The following WDR72 variants were observed in gnomAD, a reference collection of about 807,000 sequenced individuals.
WDR72 encodes WD repeat-containing protein 72.
A neutral mutation model predicts 124.2 loss-of-function variants in WDR72; 120 were observed. That is an observed-to-expected ratio of 0.97 (90% CI 0.83 to 1.12). The LOEUF is 1.12. WDR72 is among the 50% of genes most tolerant of loss of function. WDR72 has a pLI of 0.00. For missense variants in WDR72, 1,387 were observed against 1,278.8 expected (o/e 1.08, Z -1.29); for synonymous variants, 452 against 441.7 (o/e 1.02, Z -0.29).
chr15:53,733,429 C>T (rs1389263881), intron 1 of WDR72, among the ~76,000 whole-genome samples: 2 of 152,158 alleles, frequency 1.3e-5, no homozygotes, highest in African/African-American at 4.8e-5. Context: ...GGTCTATTCA[C>T]TTCACACCCA....
At chr15:53,610,998 T>C (rs1395774956) in intron 16 of WDR72, among the ~76,000 whole-genome samples, 1 of 152,050 alleles carries the variant, frequency 6.6e-6, no homozygotes, top group Non-Finnish European at 1.5e-5. Flanking sequence ...GTGATAGAAA[T>C]GAGAGCCAAC....
At chr15:53,671,056 T>C (rs2015968271) in intron 13 of WDR72, among the ~76,000 whole-genome samples, 2 of 152,188 alleles carry the variant, frequency 1.3e-5, no homozygotes, top group Admixed American at 1.3e-4. Flanking sequence ...TACACCAGAA[T>C]GGGGTCTGGC....
intron 1 of WDR72, among the ~76,000 whole-genome samples, chr15:53,735,520 G>A (rs2018327847): frequency 6.6e-6 from 1 of 152,076 alleles, no homozygotes. Context: ...GTATACATAT[G>A]TCAAAACTTA....
chr15:53,719,817 G>T (rs952220846), intron 3 of WDR72, among the ~76,000 whole-genome samples: 2 of 152,090 alleles, frequency 1.3e-5, no homozygotes, highest in Non-Finnish European at 2.9e-5. Flanking sequence ...GGTGATTCTG[G>T]TGCACGCTCA....
chr15:53,672,671 C>G (rs2140463521), intron 13 of WDR72, among the ~76,000 whole-genome samples: 1 of 152,246 alleles, frequency 6.6e-6, no homozygotes, highest in South Asian at 2.1e-4. Context: ...TTCTATACAT[C>G]TGCCCAAATG....
intron 13 of WDR72, among the ~76,000 whole-genome samples, chr15:53,682,131 C>A (rs546543865): frequency 5.9e-5 from 9 of 152,250 alleles, no homozygotes; most frequent in African/African-American, 1.9e-4. Flanking sequence ...TCATGCAGAC[C>A]ATTTTACAAT....
At chr15:53,758,773 G>GGGA (rs1475542276) in intron 1 of WDR72, among the ~76,000 whole-genome samples, 1 of 127,064 alleles carries the variant, frequency 7.9e-6, no homozygotes, top group South Asian at 3.5e-4. Flanking sequence ...AACTGCGGGG[G>GGGA]GGGGGGGGGC....
At chr15:53,557,180 G>A (rs1016490194) in intron 18 of WDR72, among the ~76,000 whole-genome samples, 6 of 152,088 alleles carry the variant, frequency 3.9e-5, no homozygotes, top group African/African-American at 1.4e-4. Context: ...CAGTGCCATA[G>A]CAGTCAGAGC....
intron 11 of WDR72, 29 bp from the exon 12 acceptor site, chr15:53,702,383 C>T (rs143935127): frequency 6.5e-6 from 10 of 1,533,842 alleles, no homozygotes; most frequent in Non-Finnish European, 5.4e-6. Context: ...CCAAATAATA[C>T]AGATGTTATT....
At chr15:53,679,578 G>A (rs1456622817) in intron 13 of WDR72, among the ~76,000 whole-genome samples, 1 of 152,178 alleles carries the variant, frequency 6.6e-6, no homozygotes, top group African/African-American at 2.4e-5. Flanking sequence ...ATGGCAGAGT[G>A]ATTGCAGACA....
chr15:53,760,016 CTTTT>C (rs34013041), upstream of WDR72, among the ~76,000 whole-genome samples: 43,008 of 138,412 alleles, frequency 0.31, 7,058 homozygotes, highest in East Asian at 0.4. Context: ...AGGCCTCAAC[CTTTT>C]TTTTTTTTTT....
intron 18 of WDR72, among the ~76,000 whole-genome samples, chr15:53,547,783 C>A (rs945394018): frequency 1.3e-5 from 2 of 152,120 alleles, no homozygotes; most frequent in Admixed American, 6.5e-5. Context: ...TGTGGCCATA[C>A]TGTGGTAATG....
chr15:53,566,704 G>A (rs866999008), intron 18 of WDR72, among the ~76,000 whole-genome samples: 1 of 151,804 alleles, frequency 6.6e-6, no homozygotes, highest in Admixed American at 6.6e-5. Context: ...TAAGAAGACA[G>A]GAAGGAAAAC....
intron 2 of WDR72, among the ~76,000 whole-genome samples, chr15:53,723,331 T>C (rs1327055105): frequency 6.6e-6 from 1 of 152,182 alleles, no homozygotes; most frequent in Non-Finnish European, 1.5e-5. Flanking sequence ...CATAATACCC[T>C]ATATGGTGAT....
chr15:53,650,334 T>C (rs148307717), intron 14 of WDR72, among the ~76,000 whole-genome samples: 1 of 152,290 alleles, frequency 6.6e-6, no homozygotes, highest in African/African-American at 2.4e-5. Context: ...TAGTAAGCTA[T>C]AGAGATCTGC....
At position 53,714,473 on chromosome 15, in the gene WDR72, G is replaced by T; in HGVS notation, c.552C>A (p.Leu184=). 1 of 1,613,804 alleles carries T rather than the reference G, an allele frequency of 6.2e-7. No homozygotes were observed. Among genetic ancestry groups the T allele is most frequent in the Non-Finnish European group, 8.5e-7 (1 of 1,179,900 alleles). Residue 184 remains leucine, a synonymous_variant, in exon 6 of 20, where the codon CTC becomes CTA. Transcript: ENST00000360509. ...SLLVVSVAGE[L]KVWDLSSSIN... ...TAGATGAGGAAAGATCCCATACTTT[G>T]AGCTCACCAGCTACTGATACCACCA...
At chr15:53,731,438 T>G (rs1005657252) in intron 2 of WDR72, among the ~76,000 whole-genome samples, 1 of 151,936 alleles carries the variant, frequency 6.6e-6, no homozygotes, top group African/African-American at 2.4e-5. Flanking sequence ...ATGGAAAAAT[T>G]ATTTATTGTG....
chr15:53,664,212 T>C (rs2015702385), intron 14 of WDR72, among the ~76,000 whole-genome samples: 1 of 152,160 alleles, frequency 6.6e-6, no homozygotes, highest in South Asian at 2.1e-4. Context: ...TCCATTTCCA[T>C]CAAGGCACCC....
chr15:53,618,331 T>A (rs531434645), intron 14 of WDR72, among the ~76,000 whole-genome samples: 9 of 152,108 alleles, frequency 5.9e-5, no homozygotes, highest in Non-Finnish European at 1.0e-4. Context: ...CATGTTTAAT[T>A]TCTTTTGATA....
Sources: allele counts gnomAD v4.1 joint callset (sites outside exome capture counted in the v4.1 genomes callset), GRCh38; gene constraint gnomAD v4.1.1; transcripts MANE v1.5; gene names NCBI Gene and HGNC (gene_info 2026-07-23, HGNC 2026-07-21).